NPHP1: variants seen among roughly 807,000 people sequenced by gnomAD.
NPHP1 encodes nephrocystin-1.
A neutral mutation model predicts 90.4 loss-of-function variants in NPHP1; 70 were observed. The observed-to-expected ratio is 0.77, with a 90% confidence interval of 0.64 to 0.95. The LOEUF is 0.95. Ranked by LOEUF, NPHP1 falls within the 40% of genes least tolerant of loss-of-function variation. The pLI, the probability that NPHP1 is intolerant of heterozygous loss-of-function variation, is 0.00. For synonymous variants in NPHP1, 256 were observed against 271.7 expected, an observed-to-expected ratio of 0.94 and a Z score of 0.57; for missense variants, 764 against 795.9, an observed-to-expected ratio of 0.96 and a Z score of 0.48.
chr2:110,174,212 T>C (rs1683355162), intron 4 of NPHP1, among the ~76,000 whole-genome samples: 1 of 152,146 alleles, frequency 6.6e-6, no homozygotes. Context: ...GGAGTGTTAC[T>C]CCATTTACAT....
At position 110,123,858 on chromosome 2, in the gene NPHP1, T is replaced by A. The variant is rs1243062227; in HGVS notation, c.1967A>T (p.His656Leu). The change falls in exon 20 of 20, where the codon CAT becomes CTT. Residue 656 changes from histidine to leucine, a missense_variant. By Grantham distance (99) the His-to-Leu change is moderately conservative. Coordinates refer to ENST00000445609, the MANE Select transcript of NPHP1 (RefSeq NM_001128178.3). ...LQALLSPDGV[H>L]EPFDLSEQTY... is the part of the protein sequence containing the mutation. ...CTGCTCTGAAAGGTCAAAAGGTTCA[T>A]GAACTCCGTCTGGTGACAGCAGAGC... 6.2e-7 allele frequency: 1 copy of A among 1,614,140 alleles called. No individual in the cohort carries two copies. Among genetic ancestry groups the A allele is most frequent in the Non-Finnish European group, 8.5e-7 (1 of 1,179,986 alleles).
At chr2:110,180,439 C>T (rs944656646) in intron 2 of NPHP1, among the ~76,000 whole-genome samples, 5 of 137,350 alleles carry the variant, frequency 3.6e-5, no homozygotes, top group South Asian at 4.8e-4. Context: ...TTTTTTATGC[C>T]GTTTGAGTCT....
chr2:110,186,092 C>A (rs1204682310), intron 2 of NPHP1, among the ~76,000 whole-genome samples: 3 of 152,182 alleles, frequency 2.0e-5, no homozygotes, highest in African/African-American at 7.2e-5. Context: ...GGCCCCGCCT[C>A]TCCCTGCTGA....
At chr2:110,160,435 A>G (rs942749267) in intron 10 of NPHP1, among the ~76,000 whole-genome samples, 180 bp from the exon 11 acceptor site, 12 of 149,602 alleles carry the variant, frequency 8.0e-5, no homozygotes, top group African/African-American at 3.0e-4. Context: ...TTTTAGGTAA[A>G]TTTTTCATAG....
intron 2 of NPHP1, among the ~76,000 whole-genome samples, chr2:110,181,292 A>T (rs770023077): frequency 6.6e-6 from 1 of 152,200 alleles, no homozygotes; most frequent in Non-Finnish European, 1.5e-5. Flanking sequence ...AAGCAGCCAG[A>T]CTGCTTCTTT....
chr2:110,146,537 T>C, intron 14 of NPHP1, among the ~76,000 whole-genome samples: 1 of 152,084 alleles, frequency 6.6e-6, no homozygotes, highest in East Asian at 1.9e-4. Flanking sequence ...CAAACATCTT[T>C]TAAAATACCT....
rs555149051 is a variant in NPHP1, at chr2:110,157,822, C to T, written c.1083+2305G>A. 2.0e-5 allele frequency among the ~76,000 whole-genome samples: 3 copies of T among 152,248 alleles called. No individual in the cohort carries two copies. In the East Asian group the frequency reaches 5.8e-4, roughly 29 times the overall value. The stretch of plus-strand genomic sequence containing the variant: ...GTATAACATCACTCTGATAACTTCC[C>T]TTACATTAACTCATTTAATTTCACA... On this transcript the variant is annotated intron_variant, in intron 11 of 19. Transcript: ENST00000445609.
intron 2 of NPHP1, among the ~76,000 whole-genome samples, chr2:110,198,844 A>G (rs1272341605): frequency 6.6e-6 from 1 of 152,154 alleles, no homozygotes; most frequent in East Asian, 1.9e-4. Context: ...CTCTGGAATA[A>G]TCAACCTAGT....
chr2:110,127,990 A>C (rs185759158), intron 18 of NPHP1: 81 of 152,252 alleles, frequency 5.3e-4, no homozygotes, highest in African/African-American at 1.8e-3. Flanking sequence ...GAAGAAAGAG[A>C]AATTCTGCAT....
chr2:110,131,846 T>C (rs536279996), intron 16 of NPHP1, 55 bp from the exon 17 acceptor site: 3 of 1,138,278 alleles, frequency 2.6e-6, no homozygotes, highest in East Asian at 2.5e-5. Context: ...ATCCAACTTA[T>C]AATGTTTTGA....
intron 19 of NPHP1, chr2:110,125,371 G>A: frequency 6.7e-7 from 1 of 1,493,366 alleles, no homozygotes; most frequent in Non-Finnish European, 8.9e-7. Context: ...ACAACTGAGA[G>A]ACTTTGGCTT....
intron 11 of NPHP1, among the ~76,000 whole-genome samples, chr2:110,158,258 G>T (rs187829331): frequency 1.1e-3 from 174 of 152,164 alleles, no homozygotes; most frequent in Admixed American, 2.1e-3. Context: ...GTACTTAAGA[G>T]AAAGTGTATT....
At position 110,161,658 on chromosome 2, in the gene NPHP1, A is replaced by T; in HGVS notation, c.899T>A (p.Leu300His). ...TCTGAAGGCCAGTTGTGAAGGCATG[A>T]GCTCTGGTTGTAAGAAGTAATTTGC... ...FRANYFLQPELMPSQLAFRDL... is the reference protein window; with the variant it reads ...FRANYFLQPEHMPSQLAFRDL... Residue 300 changes from leucine (L) to histidine (H), a missense_variant, in exon 10 of 20, where the codon CTC becomes CAC. Transcript: ENST00000445609. 5 of 1,613,362 alleles carry T rather than the reference A, an allele frequency of 3.1e-6. No homozygotes were observed. The highest frequency in any genetic ancestry group is 3.4e-6 in the Non-Finnish European group (4 of 1,179,394).
chr2:110,165,678 G>A (rs992688540), intron 6 of NPHP1, among the ~76,000 whole-genome samples: 2 of 151,458 alleles, frequency 1.3e-5, no homozygotes, highest in Non-Finnish European at 2.9e-5. Flanking sequence ...ATCCTGAGGG[G>A]AAAAAAAGAA....
intron 16 of NPHP1, among the ~76,000 whole-genome samples, chr2:110,142,069 GGTAT>G (rs1680689246): frequency 6.6e-6 from 1 of 151,776 alleles, no homozygotes; most frequent in South Asian, 2.1e-4. Context: ...CTCACTCCTA[GGTAT>G]TTATACCCAT....
intron 2 of NPHP1, among the ~76,000 whole-genome samples, chr2:110,188,073 A>C (rs1684421846): frequency 6.6e-6 from 1 of 152,224 alleles, no homozygotes; most frequent in African/African-American, 2.4e-5. Flanking sequence ...TGAATGGGCA[A>C]ATGCTTGAAG....
rs1263406223 is a variant in NPHP1 at position 110,131,674 on chromosome 2, C to G, written c.1642+5G>C. On this transcript the variant is annotated splice_donor_5th_base_variant and intron_variant, in intron 17 of 19. Coordinates refer to ENST00000445609, the MANE Select transcript of NPHP1 (RefSeq NM_001128178.3). Reference sequence around the variant, plus strand: ...GCACATAAGGAAGTGGCAAAGCCCACTTACCAGTACTTTGCAAGCTCATCC... The same window carrying G: ...GCACATAAGGAAGTGGCAAAGCCCAGTTACCAGTACTTTGCAAGCTCATCC... 2 of 1,581,920 alleles carry G rather than the reference C, an allele frequency of 1.3e-6. No homozygotes were observed. Among genetic ancestry groups the G allele is most frequent in the Non-Finnish European group, 1.7e-6 (2 of 1,150,726 alleles).
intron 2 of NPHP1, among the ~76,000 whole-genome samples, chr2:110,181,568 G>A (rs764707539): frequency 3.9e-5 from 6 of 151,940 alleles, no homozygotes; most frequent in Non-Finnish European, 5.9e-5. Flanking sequence ...ACTGTTAAAA[G>A]AAAAACAAAC....
intron 16 of NPHP1, among the ~76,000 whole-genome samples, chr2:110,137,155 C>T (rs1680262647): frequency 6.6e-6 from 1 of 152,054 alleles, no homozygotes; most frequent in Non-Finnish European, 1.5e-5. Context: ...CTTCCTTACA[C>T]CTTATACAAA....
Sources: allele counts gnomAD v4.1 joint callset (sites outside exome capture counted in the v4.1 genomes callset), GRCh38; gene constraint gnomAD v4.1.1; transcripts MANE v1.5; gene names NCBI Gene and HGNC (gene_info 2026-07-23, HGNC 2026-07-21).